AGBL4: variants seen among roughly 807,000 people sequenced by gnomAD.
AGBL4 encodes the protein AGBL carboxypeptidase 4, also known as cytosolic carboxypeptidase 6.
In AGBL4, 58 loss-of-function variants were observed where a neutral mutation model predicts 66.4. The observed-to-expected ratio is 0.87, with a 90% CI of 0.71 to 1.09. AGBL4 has a LOEUF of 1.09. AGBL4 is among the 50% of genes least tolerant of loss of function. AGBL4 has a pLI of 0.00. For synonymous variants in AGBL4, 234 were observed against 222.9 expected, an observed-to-expected ratio of 1.05 and a Z score of -0.44; for missense variants, 579 against 631.0, an observed-to-expected ratio of 0.92 and a Z score of 0.88.
intron 3 of AGBL4, among the ~76,000 whole-genome samples, chr1:49,267,041 A>T (rs1643937835): frequency 6.6e-6 from 1 of 152,242 alleles, no homozygotes; most frequent in Admixed American, 6.5e-5. Context: ...ACAAGCAAGT[A>T]AACAAGTTAT....
At chr1:48,639,709 G>A (rs1247270008) in intron 8 of AGBL4, among the ~76,000 whole-genome samples, 1 of 152,222 alleles carries the variant, frequency 6.6e-6, no homozygotes, top group African/African-American at 2.4e-5. Context: ...AGATTTGTGG[G>A]ACACAAATGG....
chr1:49,006,531 C>T (rs1300507785), intron 5 of AGBL4, among the ~76,000 whole-genome samples: 2 of 152,200 alleles, frequency 1.3e-5, no homozygotes, highest in African/African-American at 4.8e-5. Flanking sequence ...CACCACAGCT[C>T]AAGGAGGCTT....
chr1:49,112,453 T>G (rs922764544), intron 4 of AGBL4, among the ~76,000 whole-genome samples: 3 of 152,160 alleles, frequency 2.0e-5, no homozygotes, highest in Non-Finnish European at 2.9e-5. Context: ...ATTCTTAAAA[T>G]AAAACAACAA....
chr1:49,354,116 C>T (rs1269398702), intron 3 of AGBL4, among the ~76,000 whole-genome samples: 1 of 152,200 alleles, frequency 6.6e-6, no homozygotes, highest in Non-Finnish European at 1.5e-5. Context: ...TTAATTGTAA[C>T]ACACCCCTAG....
chr1:49,628,532 C>T (rs1002188081), intron 3 of AGBL4, among the ~76,000 whole-genome samples: 9 of 152,162 alleles, frequency 5.9e-5, no homozygotes, highest in Admixed American at 2.0e-4. Flanking sequence ...CTAAAGTCTA[C>T]ATGAAGAGGA....
At chr1:49,318,493 C>T (rs1645078229) in intron 3 of AGBL4, among the ~76,000 whole-genome samples, 1 of 151,824 alleles carries the variant, frequency 6.6e-6, no homozygotes, top group Admixed American at 6.6e-5. Context: ...ACACTTTATA[C>T]ATATAAACTA....
At chr1:49,252,045 A>G (rs192657124) in intron 3 of AGBL4, among the ~76,000 whole-genome samples, 3 of 152,304 alleles carry the variant, frequency 2.0e-5, no homozygotes, top group African/African-American at 7.2e-5. Context: ...CAAGCATTCA[A>G]AACTGGACTG....
chr1:49,752,434 G>A (rs1651549783), intron 2 of AGBL4, among the ~76,000 whole-genome samples: 1 of 152,160 alleles, frequency 6.6e-6, no homozygotes, highest in Non-Finnish European at 1.5e-5. Context: ...ACTGTGGTCT[G>A]AGAGACTGTT....
chr1:49,310,815 A>C (rs1644929691), intron 3 of AGBL4, among the ~76,000 whole-genome samples: 1 of 151,998 alleles, frequency 6.6e-6, no homozygotes, highest in Non-Finnish European at 1.5e-5. Context: ...GTAAAAAAAA[A>C]CTCAAAAAAG....
intron 9 of AGBL4, among the ~76,000 whole-genome samples, chr1:48,612,535 G>T (rs143635822): frequency 0.011 from 1,665 of 152,284 alleles, 19 homozygotes; most frequent in Non-Finnish European, 0.018. Context: ...TACAGCCAAG[G>T]CCTGGACATT....
intron 6 of AGBL4, among the ~76,000 whole-genome samples, chr1:48,810,102 T>TACTCATTC (rs1338362879): frequency 1.3e-5 from 2 of 152,206 alleles, no homozygotes; most frequent in Non-Finnish European, 2.9e-5. Context: ...ACTACTCATT[T>TACTCATTC]ACTCATTCAC....
chr1:48,759,138 G>A, intron 6 of AGBL4: 2 of 1,613,988 alleles, frequency 1.2e-6, no homozygotes, highest in Non-Finnish European at 1.7e-6. Context: ...GACTGTCCAT[G>A]TCCTCTGTGC....
rs528982997 is a variant in AGBL4, at chr1:48,714,648, A to G, written c.635-51407T>C. ...CCAGAGTGGTCCTTCTGAAACACCA[A>G]TCTGACCATGCCGCTTCCTGGCTCA... On this transcript the variant is annotated intron_variant, in intron 6 of 13. Coordinates refer to ENST00000371839, the MANE Select transcript of AGBL4 (RefSeq NM_032785.4). 7.2e-5 allele frequency among the ~76,000 whole-genome samples: 11 copies of G among 152,204 alleles called. No homozygotes were observed. The South Asian group carries it at 2.1e-3, about 29-fold the overall frequency.
Position 49,525,857 on chromosome 1 carries a change from G to A in AGBL4, c.282+171456C>T, listed in dbSNP as rs567160708. 5.3e-5 allele frequency among the ~76,000 whole-genome samples: 8 copies of A among 152,096 alleles called. No homozygotes were observed. In the South Asian group the frequency reaches 1.2e-3, roughly 24 times the overall value. On this transcript the variant is annotated intron_variant, in intron 3 of 13. Transcript: ENST00000371839. ...AATCCTAGTACTTTGGGAGGCCAAG[G>A]CGGGTGGGTCAGGAGGTCAGGAGAT...
At chr1:49,807,091 G>T (rs1044210078) in intron 2 of AGBL4, among the ~76,000 whole-genome samples, 2 of 152,140 alleles carry the variant, frequency 1.3e-5, no homozygotes, top group African/African-American at 4.8e-5. Context: ...GGGTTGAGCT[G>T]GCTGAGAGTG....
At chr1:49,050,710 G>A (rs1452558113) in intron 4 of AGBL4, among the ~76,000 whole-genome samples, 1 of 152,100 alleles carries the variant, frequency 6.6e-6, no homozygotes, top group Non-Finnish European at 1.5e-5. Flanking sequence ...GTGAGGCCTA[G>A]CTCAAATGAT....
At chr1:49,602,963 T>G (rs1222473254) in intron 3 of AGBL4, among the ~76,000 whole-genome samples, 1 of 152,164 alleles carries the variant, frequency 6.6e-6, no homozygotes. Context: ...ATTAACTCAC[T>G]TAATTCATAC....
At chr1:48,803,642 G>T (rs942228272) in intron 6 of AGBL4, among the ~76,000 whole-genome samples, 12 of 152,198 alleles carry the variant, frequency 7.9e-5, no homozygotes, top group Non-Finnish European at 1.6e-4. Flanking sequence ...TAAGGTCTGA[G>T]GTAAAATTTT....
At chr1:49,164,238 T>C (rs1270497284) in intron 4 of AGBL4, among the ~76,000 whole-genome samples, 3 of 152,084 alleles carry the variant, frequency 2.0e-5, no homozygotes, top group Non-Finnish European at 4.4e-5. Context: ...GAAGGAAATT[T>C]AGGTTAGGGT....
Sources: gnomAD v4.1 joint callset for allele counts (sites outside exome capture counted in the v4.1 genomes callset) on GRCh38, gnomAD v4.1.1 for gene constraint, MANE v1.5 for transcripts, NCBI Gene and HGNC (gene_info 2026-07-23, HGNC 2026-07-21) for gene names.